TMEM117: variants seen among roughly 807,000 people sequenced by gnomAD.
TMEM117 encodes the protein transmembrane protein 117.
Under a neutral mutation model 52.4 loss-of-function variants are expected in TMEM117, and 27 were observed. The observed-to-expected ratio is 0.51, with a 90% CI of 0.38 to 0.71. The LOEUF is 0.71. TMEM117 is among the 30% of genes least tolerant of loss of function. TMEM117 has a pLI of 0.00. For synonymous variants in TMEM117, 215 were observed against 206.3 expected (o/e 1.04, Z -0.36); for missense variants, 556 against 630.5 (o/e 0.88, Z 1.26).
intron 3 of TMEM117, among the ~76,000 whole-genome samples, chr12:44,075,964 C>T (rs1363225000): frequency 6.6e-6 from 1 of 152,138 alleles, no homozygotes; most frequent in Non-Finnish European, 1.5e-5. Flanking sequence ...TTGTCTGAGT[C>T]CTAGCAGTGC....
intron 2 of TMEM117, among the ~76,000 whole-genome samples, chr12:43,901,399 C>T (rs1182998801): frequency 1.3e-5 from 2 of 152,176 alleles, no homozygotes; most frequent in Non-Finnish European, 2.9e-5. Context: ...CAACCTCCGC[C>T]TCCTGGGTTC....
chr12:44,311,763 A>G (rs531127005), intron 6 of TMEM117, among the ~76,000 whole-genome samples: 19 of 128,730 alleles, frequency 1.5e-4, no homozygotes, highest in African/African-American at 6.8e-4. Flanking sequence ...ATATGTATAT[A>G]TATATGTATA....
At chr12:43,810,265 G>A in the TMEM117 span, among the ~76,000 whole-genome samples, 31,683 of 152,132 alleles carry the variant, frequency 0.21, 4,326 homozygotes, top group East Asian at 0.48. Context: ...ATGTGGGGTA[G>A]GATGGTTTAA....
chr12:43,889,458 A>C (rs1224772393), intron 2 of TMEM117, among the ~76,000 whole-genome samples: 1 of 152,182 alleles, frequency 6.6e-6, no homozygotes, highest in African/African-American at 2.4e-5. Flanking sequence ...TCTTATGAGA[A>C]TCTAATGCTG....
At chr12:44,162,814 T>C (rs1948915426) in intron 4 of TMEM117, among the ~76,000 whole-genome samples, 1 of 152,202 alleles carries the variant, frequency 6.6e-6, no homozygotes, top group African/African-American at 2.4e-5. Flanking sequence ...TTGGAGTAGG[T>C]ATTGCATGAT....
intron 6 of TMEM117, among the ~76,000 whole-genome samples, chr12:44,306,787 G>A (rs1447989586): frequency 6.6e-6 from 1 of 152,158 alleles, no homozygotes; most frequent in Non-Finnish European, 1.5e-5. Flanking sequence ...CCAGCAGCAG[G>A]AGAATGAACT....
At chr12:44,385,348 G>A (rs889090514) in intron 7 of TMEM117, among the ~76,000 whole-genome samples, 1 of 152,188 alleles carries the variant, frequency 6.6e-6, no homozygotes, top group Non-Finnish European at 1.5e-5. Flanking sequence ...TGCAAGTTTA[G>A]TGGTCAAACT....
At chr12:44,052,949 A>G (rs763935909) in intron 3 of TMEM117, among the ~76,000 whole-genome samples, 25 of 152,130 alleles carry the variant, frequency 1.6e-4, no homozygotes, top group Non-Finnish European at 3.4e-4. Context: ...ACGAACTGTT[A>G]TAACTTCACA....
intron 5 of TMEM117, among the ~76,000 whole-genome samples, chr12:44,246,612 C>A (rs1299218149): frequency 3.3e-5 from 5 of 152,112 alleles, no homozygotes; most frequent in Non-Finnish European, 7.4e-5. Context: ...TGAAAACACA[C>A]TTTTTCTTTT....
chr12:44,066,049 A>T (rs1290574224), intron 3 of TMEM117, among the ~76,000 whole-genome samples: 1 of 152,180 alleles, frequency 6.6e-6, no homozygotes, highest in Non-Finnish European at 1.5e-5. Flanking sequence ...TATGGACAGA[A>T]AAAGGAAAGT....
intron 3 of TMEM117, among the ~76,000 whole-genome samples, chr12:44,139,328 T>C (rs1948538140): frequency 6.6e-6 from 1 of 152,150 alleles, no homozygotes; most frequent in African/African-American, 2.4e-5. Context: ...AGACCCTTAC[T>C]GTAAGACCAA....
At chr12:43,833,356 G>A (rs929940420), upstream of TMEM117, among the ~76,000 whole-genome samples, 2 of 152,170 alleles carry the variant, frequency 1.3e-5, no homozygotes, top group Admixed American at 6.5e-5. Context: ...GGAGACAGAA[G>A]ACAAGCTGCT....
At chr12:44,269,688 T>C (rs923916213) in intron 5 of TMEM117, among the ~76,000 whole-genome samples, 2 of 152,034 alleles carry the variant, frequency 1.3e-5, no homozygotes, top group Non-Finnish European at 2.9e-5. Context: ...CATTTGTAAA[T>C]CCACTAATTA....
At chr12:44,357,169 A>G (rs73088689) in intron 6 of TMEM117, among the ~76,000 whole-genome samples, 5,185 of 152,164 alleles carry the variant, frequency 0.034, 106 homozygotes, top group Middle Eastern at 0.13. Flanking sequence ...GAACAAAATC[A>G]CCTTCTCTTG....
At chr12:44,042,074 T>C (rs1317982734) in intron 3 of TMEM117, among the ~76,000 whole-genome samples, 13 of 152,208 alleles carry the variant, frequency 8.5e-5, no homozygotes, top group Admixed American at 7.2e-4. Flanking sequence ...ACAGGTGATA[T>C]GATTCTATAC....
intron 5 of TMEM117, among the ~76,000 whole-genome samples, chr12:44,284,086 G>A (rs978560023): frequency 2.6e-5 from 4 of 152,090 alleles, no homozygotes; most frequent in African/African-American, 2.4e-5. Context: ...AGGCTGACGC[G>A]GGCAGACCAT....
chr12:43,993,133 C>T (rs1027514214), intron 3 of TMEM117, among the ~76,000 whole-genome samples: 1 of 152,166 alleles, frequency 6.6e-6, no homozygotes, highest in African/African-American at 2.4e-5. Flanking sequence ...TTTGCTTGGT[C>T]TTTCTGGAAT....
chr12:44,176,342 G>A (rs1305914799), intron 4 of TMEM117, among the ~76,000 whole-genome samples: 1 of 152,096 alleles, frequency 6.6e-6, no homozygotes, highest in Non-Finnish European at 1.5e-5. Flanking sequence ...AAATACCTGT[G>A]GAATGAACGA....
At position 43,880,633 on chromosome 12, in the gene TMEM117, G is replaced by T. The variant is rs140392460; in HGVS notation, c.277+35705G>T. Among the ~76,000 whole-genome samples the T allele has an allele frequency of 2.8e-3, 420 of 152,286 alleles. 2 individuals carry two copies. Among genetic ancestry groups the T allele is most frequent in the Non-Finnish European group, 4.4e-3 (300 of 68,022 alleles). On this transcript the variant is annotated intron_variant, in intron 2 of 7. Transcript: ENST00000266534. Reference sequence around the variant, plus strand: ...GTGCAGGGGTCCCTAAAGATCTCCTGCAGGCTGAGACAGTCTCCCTTGAGC... The same window carrying T: ...GTGCAGGGGTCCCTAAAGATCTCCTTCAGGCTGAGACAGTCTCCCTTGAGC...
Sources: gnomAD v4.1 joint callset for allele counts (sites outside exome capture counted in the v4.1 genomes callset) on GRCh38, gnomAD v4.1.1 for gene constraint, MANE v1.5 for transcripts, NCBI Gene and HGNC (gene_info 2026-07-23, HGNC 2026-07-21) for gene names.